GRIK2: variants seen among roughly 807,000 people sequenced by gnomAD.
GRIK2 encodes the protein glutamate ionotropic receptor kainate type subunit 2.
Under a neutral mutation model 100.3 loss-of-function variants are expected in GRIK2, and 32 were observed. That is an observed-to-expected ratio of 0.32 (90% CI 0.24 to 0.43). The LOEUF (loss-of-function observed/expected upper bound fraction) is 0.43, where lower values mean the gene tolerates loss of function less well. Ranked by LOEUF, GRIK2 falls within the 20% of genes least tolerant of loss-of-function variation. The pLI, the probability that GRIK2 is intolerant of heterozygous loss-of-function variation, is 1.00. For missense variants in GRIK2, 843 were observed against 1,114.9 expected (o/e 0.76, Z 3.47); for synonymous variants, 417 against 389.4 (o/e 1.07, Z -0.83).
At chr6:101,412,012 A>G (rs931044305) in intron 2 of GRIK2, among the ~76,000 whole-genome samples, 10 of 152,066 alleles carry the variant, frequency 6.6e-5, no homozygotes, top group Non-Finnish European at 2.9e-5. Flanking sequence ...TTCAGTTGCC[A>G]TGAATACATC....
At chr6:101,925,163 T>G (rs1789804978) in intron 13 of GRIK2, among the ~76,000 whole-genome samples, 1 of 152,144 alleles carries the variant, frequency 6.6e-6, no homozygotes, top group South Asian at 2.1e-4. Flanking sequence ...ATTAGTAAAT[T>G]TACTGCCTAT....
At chr6:101,682,721 A>G in intron 6 of GRIK2, 115 bp downstream of exon 6, 1 of 529,130 alleles carries the variant, frequency 1.9e-6, no homozygotes. Context: ...GTTATATTTT[A>G]ATTTGATAAG....
intron 5 of GRIK2, among the ~76,000 whole-genome samples, chr6:101,679,717 A>G (rs1279754357): frequency 6.6e-6 from 1 of 152,154 alleles, no homozygotes; most frequent in Admixed American, 6.5e-5. Context: ...TTAATCAAAA[A>G]TAACTACTAT....
At chr6:101,730,323 A>G (rs1196099679) in intron 7 of GRIK2, among the ~76,000 whole-genome samples, 1 of 151,994 alleles carries the variant, frequency 6.6e-6, no homozygotes, top group Non-Finnish European at 1.5e-5. Context: ...AGACTGAGAT[A>G]TAAATTAAGA....
intron 12 of GRIK2, among the ~76,000 whole-genome samples, chr6:101,912,119 G>A (rs1163446816): frequency 6.5e-5 from 9 of 138,458 alleles, no homozygotes; most frequent in East Asian, 4.4e-4. Context: ...CACAGAGACC[G>A]AGAGAGAGAA....
At chr6:101,716,853 G>T (rs922769282) in intron 7 of GRIK2, among the ~76,000 whole-genome samples, 3 of 151,730 alleles carry the variant, frequency 2.0e-5, no homozygotes, top group South Asian at 2.1e-4. Context: ...ATTCCAAAAG[G>T]TTAAATTAAT....
In GRIK2 at chr6:101,592,338, C is replaced by A. The variant is rs1007045758; in HGVS notation, c.116-29611C>A. On this transcript the variant is annotated intron_variant, in intron 2 of 16. Coordinates refer to ENST00000369134, the MANE Select transcript of GRIK2 (RefSeq NM_021956.5). ...GCAGGATTGGGCAAATGGAATGCTC[C>A]GAAGCTGTGATGACCCCTTCACAGT... 2.0e-5 allele frequency among the ~76,000 whole-genome samples: 3 copies of A among 151,478 alleles called. No individual in the cohort carries two copies. The Admixed American group carries it at 2.0e-4, about 10-fold the overall frequency.
At chr6:101,837,831 T>C (rs1783233110) in intron 10 of GRIK2, among the ~76,000 whole-genome samples, 1 of 152,188 alleles carries the variant, frequency 6.6e-6, no homozygotes, top group South Asian at 2.1e-4. Context: ...TTTCTTGTAC[T>C]GTCTCTGGTT....
chr6:101,423,304 A>G lies in GRIK2; in HGVS notation c.115+23912A>G, dbSNP rs1412940060. Reference sequence around the variant, plus strand: ...AGACCCCCATTTTATTCATGTGAGTAGGGAAGAGAAACTTGTTCTTAGGTA... The same window carrying G: ...AGACCCCCATTTTATTCATGTGAGTGGGGAAGAGAAACTTGTTCTTAGGTA... On this transcript the variant is annotated intron_variant, in intron 2 of 16. Coordinates refer to ENST00000369134, the MANE Select transcript of GRIK2 (RefSeq NM_021956.5). Among the ~76,000 whole-genome samples the G allele has an allele frequency of 2.0e-5, 3 of 152,288 alleles. No individual in the cohort carries two copies. In the East Asian group the frequency reaches 5.8e-4, roughly 29 times the overall value.
intron 2 of GRIK2, among the ~76,000 whole-genome samples, chr6:101,507,486 A>T (rs1350210008): frequency 6.6e-6 from 1 of 152,118 alleles, no homozygotes; most frequent in Non-Finnish European, 1.5e-5. Flanking sequence ...AATGATTGAG[A>T]ACTTAGGTTT....
intron 2 of GRIK2, among the ~76,000 whole-genome samples, chr6:101,472,441 C>T (rs1771997016): frequency 6.6e-6 from 1 of 151,754 alleles, no homozygotes; most frequent in South Asian, 2.1e-4. Context: ...AGAGACACAT[C>T]ATAGATTTCC....
At chr6:102,067,708 T>G (rs1772085949) in intron 16 of GRIK2, among the ~76,000 whole-genome samples, 1 of 152,024 alleles carries the variant, frequency 6.6e-6, no homozygotes, top group South Asian at 2.1e-4. Flanking sequence ...ACAAAAAAGT[T>G]AATATTTGTT....
At chr6:101,918,067 G>A (rs1582531855) in intron 12 of GRIK2, among the ~76,000 whole-genome samples, 2 of 151,682 alleles carry the variant, frequency 1.3e-5, no homozygotes, top group East Asian at 3.9e-4. Flanking sequence ...GAATTAATAT[G>A]TCAACAAAGC....
intron 7 of GRIK2, among the ~76,000 whole-genome samples, chr6:101,720,264 C>A (rs1774386888): frequency 6.6e-6 from 1 of 151,936 alleles, no homozygotes. Flanking sequence ...TCCGTTCAAA[C>A]TGTGATTTGG....
intron 7 of GRIK2, among the ~76,000 whole-genome samples, chr6:101,693,999 C>T (rs1257076504): frequency 1.3e-5 from 2 of 152,046 alleles, no homozygotes; most frequent in Non-Finnish European, 2.9e-5. Flanking sequence ...AGGAGGGCCC[C>T]TCAAGGACAG....
At chr6:101,734,807 A>C (rs1379315330) in intron 7 of GRIK2, among the ~76,000 whole-genome samples, 1 of 152,222 alleles carries the variant, frequency 6.6e-6, no homozygotes, top group East Asian at 1.9e-4. Flanking sequence ...TTAAAAGGAC[A>C]TGAGGAAGTT....
At chr6:102,037,560 G>C (rs1005734011) in intron 15 of GRIK2, among the ~76,000 whole-genome samples, 1 of 151,214 alleles carries the variant, frequency 6.6e-6, no homozygotes, top group Non-Finnish European at 1.5e-5. Context: ...CCAGGGAAAG[G>C]CTTCCTCAAG....
chr6:101,643,591 T>C (rs1010870640), intron 4 of GRIK2, among the ~76,000 whole-genome samples: 2 of 151,802 alleles, frequency 1.3e-5, no homozygotes, highest in Admixed American at 1.3e-4. Flanking sequence ...CATTGGTTTA[T>C]ATGTCTGCCT....
At chr6:101,795,442 G>A (rs78697953) in intron 7 of GRIK2, among the ~76,000 whole-genome samples, 3,911 of 152,266 alleles carry the variant, frequency 0.026, 179 homozygotes, top group African/African-American at 0.089. Flanking sequence ...AAGTGTGCCT[G>A]TCTTTAGGCT....
Sources: gnomAD v4.1 joint callset for allele counts (sites outside exome capture counted in the v4.1 genomes callset) on GRCh38, gnomAD v4.1.1 for gene constraint, MANE v1.5 for transcripts, NCBI Gene and HGNC (gene_info 2026-07-23, HGNC 2026-07-21) for gene names.